Variants in SEC16A observed in about 807,000 individuals in gnomAD.
SEC16A encodes SEC16 homolog A, endoplasmic reticulum export factor, also known as protein transport protein Sec16A.
SEC16A carries 110 observed loss-of-function variants against 221.9 expected under a neutral mutation model. The ratio of observed to expected loss-of-function variants is 0.50; its 90% CI spans 0.42 to 0.58. SEC16A has a LOEUF of 0.58. Ranked by LOEUF, SEC16A falls within the 20% of genes least tolerant of loss-of-function variation. SEC16A has a pLI of 0.00. For missense variants in SEC16A, 3,165 were observed against 3,097.8 expected (o/e 1.02, Z -0.52); for synonymous variants, 1,393 against 1,257.7 (o/e 1.11, Z -2.28).
intron 22 of SEC16A, among the ~76,000 whole-genome samples, chr9:136,452,769 G>GGA (rs1265008878): frequency 1.3e-4 from 10 of 77,942 alleles, no homozygotes; most frequent in African/African-American, 4.2e-4. Flanking sequence ...ATGTCTTAGG[G>GGA]AAAAAAAAAA....
rs981157530 is a variant in SEC16A at position 136,455,665 on chromosome 9, A to G, written c.5793T>C (p.Pro1931=). ...GGCTCGGTGCAGGCACCGCCAGCAG[A>G]GGGTTGGCGATCCCCAGGGCTCCTG... ...SQPGALGIAN[P]LLAVPAPSPE... Residue 1931 remains proline (P), a synonymous_variant, in exon 20 of 32, where the codon CCT becomes CCC. Coordinates refer to ENST00000684901, the MANE Select transcript of SEC16A (RefSeq NM_014866.2). 1.3e-6 allele frequency: 2 copies of G among 1,593,280 alleles called. No individual in the cohort carries two copies. The highest frequency in any genetic ancestry group is 1.7e-6 in the Non-Finnish European group (2 of 1,170,838).
Position 136,475,492 on chromosome 9 carries a change from A to G in SEC16A, c.2124T>C (p.Pro708=). 3 of 1,607,954 alleles carry G rather than the reference A, an allele frequency of 1.9e-6. No homozygotes were observed. Among genetic ancestry groups the G allele is most frequent in the Middle Eastern group, 1.7e-4 (1 of 6,034 alleles). ...TCACGGGCCCCTGGGTCCTGGCTGA[A>G]GGCCTCTTCTCGGGTGCTGGATACA... ...DTVYPAPEKR[P]SARTQGPVKC... Residue 708 remains proline (P), a synonymous_variant, in exon 3 of 32, where the codon CCT becomes CCC. Coordinates refer to ENST00000684901, the MANE Select transcript of SEC16A (RefSeq NM_014866.2). The surrounding 1 kb of genome is among the most constrained non-coding windows in gnomAD (Gnocchi z 5.0).
chr9:136,463,254 G>A, intron 11 of SEC16A, 122 bp from the exon 12 acceptor site: 2 of 1,406,892 alleles, frequency 1.4e-6, no homozygotes, highest in Non-Finnish European at 1.9e-6. Context: ...CGAAAGGCTG[G>A]CAAGGCTGGG....
rs1275055325 is a variant in SEC16A, at chr9:136,474,335, T to C, written c.3281A>G (p.Gln1094Arg). Residue 1094 changes from glutamine (Q) to arginine (R), a missense_variant, in exon 3 of 32, where the codon CAG becomes CGG. Coordinates refer to ENST00000684901, the MANE Select transcript of SEC16A (RefSeq NM_014866.2). The stretch of plus-strand genomic sequence containing the variant: ...ACTTGCTGGTGACTGTGCTGAGTTC[T>C]GGGCCTGTCCCTGTGCGGGCAGACT... ...PESLPAQGQA[Q>R]NSAQSPASLV... is the part of the protein sequence containing the mutation. 1.9e-5 allele frequency: 30 copies of C among 1,612,436 alleles called. No individual in the cohort carries two copies. The highest frequency in any genetic ancestry group is 2.5e-5 in the Non-Finnish European group (29 of 1,179,624).
chr9:136,483,596 C>T (rs909990334), upstream of SEC16A: 2 of 985,424 alleles, frequency 2.0e-6, no homozygotes, highest in Non-Finnish European at 2.4e-6. Flanking sequence ...GCTCTTTCTC[C>T]CAGTCTTTTT....
At chr9:136,457,391 C>T in intron 18 of SEC16A, 53 bp downstream of exon 18, 1 of 1,544,656 alleles carries the variant, frequency 6.5e-7, no homozygotes, top group Non-Finnish European at 8.8e-7. Flanking sequence ...CTGGCAAGCC[C>T]TCCTTCCCTG....
chr9:136,465,849 A>T, intron 8 of SEC16A, 113 bp downstream of exon 8: 1 of 1,108,010 alleles, frequency 9.0e-7, no homozygotes, highest in Non-Finnish European at 1.3e-6. Flanking sequence ...GGTCAGAGCC[A>T]GGCCAGGACA....
rs1836148518 is a variant in SEC16A at position 136,441,187 on chromosome 9, C to T, written c.*568G>A. ...ACCGTGAACTAATGCCGAAGGAACC[C>T]CACGGCTCCTCGGAGGCGCTGATTG... On this transcript the variant is annotated 3_prime_UTR_variant, in exon 32 of 32. Coordinates refer to ENST00000684901, the MANE Select transcript of SEC16A (RefSeq NM_014866.2). 1 of 153,554 alleles carries T rather than the reference C, an allele frequency of 6.5e-6. No homozygotes were observed. Among genetic ancestry groups the T allele is most frequent in the African/African-American group, 2.4e-5 (1 of 41,460 alleles). The allele number at this position is 153,554 out of a possible 1,614,324, so 9.5% of individuals were successfully genotyped here.
chr9:136,456,921 A>C (rs1265516573), intron 18 of SEC16A, among the ~76,000 whole-genome samples: 1 of 151,976 alleles, frequency 6.6e-6, no homozygotes, highest in Non-Finnish European at 1.5e-5. Context: ...TAATCCCAGC[A>C]CTTTGGGAGG....
chr9:136,463,130 G>C lies in SEC16A; in HGVS notation c.4650C>G (p.Thr1550=), dbSNP rs755239976. ...GCTCCGCAATGTCGGTCCCTACCAC[G>C]GTCTGTTTGGGTCAACAGGAACAGG... ...FIVLLCRQNG[T]VVGTDIAELL... Residue 1550 remains threonine, a splice_region_variant and synonymous_variant, in exon 12 of 32, where the codon ACC becomes ACG. Coordinates refer to ENST00000684901, the MANE Select transcript of SEC16A (RefSeq NM_014866.2). 5 of 1,608,590 alleles carry C rather than the reference G, an allele frequency of 3.1e-6. No homozygotes were observed. The South Asian group carries it at 4.4e-5, about 14-fold the overall frequency.
Position 136,476,209 on chromosome 9 carries a change from T to G in SEC16A, c.1407A>C (p.Glu469Asp), listed in dbSNP as rs763285724. 1 of 1,613,774 alleles carries G rather than the reference T, an allele frequency of 6.2e-7. No homozygotes were observed. The highest frequency in any genetic ancestry group is 1.7e-5 in the Admixed American group (1 of 60,028). Residue 469 changes from glutamate to aspartate, a missense_variant, in exon 3 of 32, where the codon GAA (glutamate) becomes GAC (aspartate). Glu to Asp is a conservative substitution (Grantham distance 45). Coordinates refer to ENST00000684901, the MANE Select transcript of SEC16A (RefSeq NM_014866.2). ...VENLEFVQNQ[E>D]VLPSEPLNLD... The stretch of plus-strand genomic sequence containing the variant: ...AATTGAGGGGCTCACTTGGCAGAAC[T>G]TCTTGATTCTGAACAAATTCTAAGT...
intron 1 of SEC16A, 81 bp downstream of exon 1, chr9:136,482,857 A>G (rs1228243078): frequency 2.1e-6 from 1 of 466,518 alleles, no homozygotes; most frequent in Non-Finnish European, 2.8e-6. Flanking sequence ...CCGCGCCCCG[A>G]CCTCCACGGC....
Position 136,476,502 on chromosome 9 carries a change from G to C in SEC16A, c.1114C>G (p.Leu372Val). 1 of 1,613,186 alleles carries C rather than the reference G, an allele frequency of 6.2e-7. No homozygotes were observed. The highest frequency in any genetic ancestry group is 8.5e-7 in the Non-Finnish European group (1 of 1,179,724). ...LEADSGASGA[L>V]AMFFQGGETE... ...TCTCCCCCTTGGAAAAACATCGCCAGAGCTCCTGAAGCTCCTGAGTCTGCT... is the reference window on the plus strand; with the variant it reads ...TCTCCCCCTTGGAAAAACATCGCCACAGCTCCTGAAGCTCCTGAGTCTGCT... The change falls in exon 3 of 32, where the codon CTG becomes GTG. Residue 372 changes from leucine to valine, a missense_variant. Transcript: ENST00000684901.
chr9:136,452,350 C>G (rs1336169286), intron 22 of SEC16A, among the ~76,000 whole-genome samples: 1 of 144,128 alleles, frequency 6.9e-6, no homozygotes, highest in Non-Finnish European at 1.5e-5. Context: ...ACTCAGGAGG[C>G]TGAGGCAGAG....
At chr9:136,465,703 T>C (rs1003648871) in intron 8 of SEC16A, among the ~76,000 whole-genome samples, 1 of 152,190 alleles carries the variant, frequency 6.6e-6, no homozygotes, top group African/African-American at 2.4e-5. Context: ...AGCCTGGATA[T>C]GAGCTGTCCT....
At position 136,474,309 on chromosome 9, in the gene SEC16A, G is replaced by C. The variant is rs1168472697; in HGVS notation, c.3307C>G (p.Leu1103Val). The change falls in exon 3 of 32, where the codon CTG becomes GTG. Residue 1103 changes from leucine to valine, a missense_variant. By Grantham distance (32) the Leu-to-Val change is conservative. This residue lies in a region of SEC16A where 2,030 missense variants were observed against 1,923.1 expected (regional missense o/e 1.06). Coordinates refer to ENST00000684901, the MANE Select transcript of SEC16A (RefSeq NM_014866.2). ...TGCTGACCCGCGTCGACCAGAACCA[G>C]ACTTGCTGGTGACTGTGCTGAGTTC... ...AQNSAQSPAS[L>V]VLVDAGQQLP... 1 of 1,611,086 alleles carries C rather than the reference G, an allele frequency of 6.2e-7. No homozygotes were observed. The highest frequency in any genetic ancestry group is 8.5e-7 in the Non-Finnish European group (1 of 1,179,018).
intron 28 of SEC16A, 129 bp downstream of exon 28, chr9:136,446,726 A>G (rs1390727827): frequency 3.4e-6 from 3 of 875,624 alleles, no homozygotes; most frequent in African/African-American, 1.7e-5. Context: ...CATAAGTGTG[A>G]GGCGTTTAAG....
Position 136,443,896 on chromosome 9 carries a change from G to C in SEC16A, c.6932C>G (p.Pro2311Arg). Residue 2311 changes from proline (P) to arginine (R), a missense_variant, in exon 31 of 32, where the codon CCT (proline) becomes CGT (arginine). By Grantham distance (103) the Pro-to-Arg change is moderately radical (BLOSUM62 -2). This residue lies in a region of SEC16A where 1,088 missense variants were observed against 1,089.6 expected (regional missense o/e 1.00). Transcript: ENST00000684901. ...GCCCCCTGCAGCAGGGAGGTCGCCA[G>C]GAGCCTGAGAAGCACAGAGAAGTCA... ...REVSQHFNQA[P>R]GDLPAAGGPP... 1 of 1,609,490 alleles carries C rather than the reference G, an allele frequency of 6.2e-7. No homozygotes were observed. Among genetic ancestry groups the C allele is most frequent in the Non-Finnish European group, 8.5e-7 (1 of 1,178,122 alleles).
intron 1 of SEC16A, among the ~76,000 whole-genome samples, chr9:136,481,099 A>T (rs1385069691): frequency 6.8e-6 from 1 of 147,006 alleles, no homozygotes; most frequent in Admixed American, 6.8e-5. Flanking sequence ...ACTGCCTATC[A>T]CCTATGTCAC....
Sources: allele counts gnomAD v4.1 joint callset (sites outside exome capture counted in the v4.1 genomes callset), GRCh38; gene constraint gnomAD v4.1.1; regional missense constraint gnomAD v4.1.1; non-coding constraint Gnocchi (gnomAD v3.1); transcripts MANE v1.5; gene names NCBI Gene and HGNC (gene_info 2026-07-23, HGNC 2026-07-21).